The following RDX variants were observed in gnomAD, a reference collection of about 807,000 sequenced individuals.
RDX encodes deafness, autosomal recessive 24.
Under a neutral mutation model 83.7 loss-of-function variants are expected in RDX, and 32 were observed. That is an observed-to-expected ratio of 0.38 (90% CI 0.29 to 0.51). The LOEUF is 0.51. Among genes scored for constraint, RDX ranks in the 20% least tolerant of loss-of-function variants. RDX has a pLI of 0.87. For missense variants in RDX, 600 were observed against 689.9 expected, an observed-to-expected ratio of 0.87 and a Z score of 1.46; for synonymous variants, 229 against 222.7, an observed-to-expected ratio of 1.03 and a Z score of -0.25.
chr11:110,261,328 G>A (rs1310030477), intron 5 of RDX, among the ~76,000 whole-genome samples: 2 of 152,170 alleles, frequency 1.3e-5, no homozygotes, highest in African/African-American at 4.8e-5. Context: ...AAAAGTTTAT[G>A]TATATTTAGC....
intron 14 of RDX, among the ~76,000 whole-genome samples, chr11:110,212,311 A>AG (rs1863867203): frequency 6.7e-6 from 1 of 150,090 alleles, no homozygotes; most frequent in Non-Finnish European, 1.5e-5. Context: ...TGAATAGACC[A>AG]ATAACAGGAG....
chr11:110,257,170 T>C (rs1859579280), intron 7 of RDX, among the ~76,000 whole-genome samples: 1 of 151,238 alleles, frequency 6.6e-6, no homozygotes, highest in South Asian at 2.1e-4. Flanking sequence ...AATATACATA[T>C]ATTATACATA....
Position 110,257,839 on chromosome 11 carries a change from T to C in RDX, c.626A>G (p.Lys209Arg), listed in dbSNP as rs1033344762. 4 of 1,612,972 alleles carry C rather than the reference T, an allele frequency of 2.5e-6. No homozygotes were observed. Among genetic ancestry groups the C allele is most frequent in the South Asian group, 1.1e-5 (1 of 91,056 alleles). The change falls in exon 7 of 14, where the codon AAA becomes AGA. Residue 209 changes from lysine (K) to arginine (R), a missense_variant. By Grantham distance (26) the Lys-to-Arg change is conservative (BLOSUM62 2). Transcript: ENST00000645495. The stretch of plus-strand genomic sequence containing the variant: ...CCACAATTCAGTTCCTTTTTTATTT[T>C]TTATTTCAAAATAGTTGACTCCATA... ...EMYGVNYFEI[K>R]NKKGTELWLG...
At chr11:110,199,689 A>C in intron 14 of RDX, 1 of 703,056 alleles carries the variant, frequency 1.4e-6, no homozygotes, top group Non-Finnish European at 2.6e-6. Context: ...CTTTCAAAAG[A>C]GACATTAAGA....
At chr11:110,268,364 T>TCTTCC (rs1292935296) in intron 3 of RDX, among the ~76,000 whole-genome samples, 4 of 148,706 alleles carry the variant, frequency 2.7e-5, no homozygotes, top group Admixed American at 1.3e-4. Context: ...ATGTGGAATA[T>TCTTCC]AAAGTCTCAT....
At chr11:110,197,499 ATCTCTT>A (rs1349182092) in intron 15 of RDX, among the ~76,000 whole-genome samples, 2 of 152,160 alleles carry the variant, frequency 1.3e-5, no homozygotes, top group Non-Finnish European at 2.9e-5. Context: ...ATAATTCAAA[ATCTCTT>A]TCTGTCATTT....
chr11:110,269,355 C>A (rs925783410), intron 3 of RDX, among the ~76,000 whole-genome samples: 2 of 152,110 alleles, frequency 1.3e-5, no homozygotes, highest in Non-Finnish European at 2.9e-5. Context: ...ACTCTTTACA[C>A]TAATCCCACA....
At chr11:110,225,496 T>C (rs1229736806), downstream of RDX, among the ~76,000 whole-genome samples, 1 of 152,022 alleles carries the variant, frequency 6.6e-6, no homozygotes, top group African/African-American at 2.4e-5. Context: ...AATAAACACA[T>C]GAAAAAAGTC....
At chr11:110,247,179 A>C (rs1374337678) in intron 10 of RDX, among the ~76,000 whole-genome samples, 1 of 152,206 alleles carries the variant, frequency 6.6e-6, no homozygotes, top group African/African-American at 2.4e-5. Context: ...TCTTCCAAAC[A>C]CATTACCAAA....
chr11:110,295,855 G>T (rs1861433293), intron 1 of RDX, among the ~76,000 whole-genome samples: 1 of 152,238 alleles, frequency 6.6e-6, no homozygotes, highest in Non-Finnish European at 1.5e-5. Context: ...GGGAACCGCG[G>T]CCCTGGCCTG....
chr11:110,227,453 T>C (rs1864471350), downstream of RDX, among the ~76,000 whole-genome samples: 1 of 151,990 alleles, frequency 6.6e-6, no homozygotes, highest in Non-Finnish European at 1.5e-5. Flanking sequence ...AAAATAATGA[T>C]TAAATAAAAG....
intron 15 of RDX, among the ~76,000 whole-genome samples, chr11:110,177,257 G>A (rs1240751004): frequency 6.6e-6 from 1 of 152,240 alleles, no homozygotes; most frequent in Non-Finnish European, 1.5e-5. Context: ...GCGAACTCCT[G>A]TGGGAAGTGG....
At chr11:110,207,705 T>A (rs1400284555) in intron 14 of RDX, among the ~76,000 whole-genome samples, 1 of 152,128 alleles carries the variant, frequency 6.6e-6, no homozygotes, top group African/African-American at 2.4e-5. Context: ...TAAATAAAAT[T>A]TTATGGGAAC....
rs1490804867 is a variant in RDX, at chr11:110,262,648, A to G, written c.467+1312T>C. ...ATGTTCCATCTTCTAGATTCCATCA[A>G]TACTACTAAATAACACGTTTCACAC... On this transcript the variant is annotated intron_variant, in intron 5 of 13. Transcript: ENST00000645495. 3.3e-5 allele frequency among the ~76,000 whole-genome samples: 5 copies of G among 152,310 alleles called. No homozygotes were observed. In the East Asian group the frequency reaches 7.7e-4, roughly 23 times the overall value.
chr11:110,253,997 T>G lies in RDX; in HGVS notation c.908A>C (p.Gln303Pro), dbSNP rs769318918. Residue 303 changes from glutamine to proline, a missense_variant, in exon 9 of 14, where the codon CAA becomes CCA. Gln to Pro is a moderately conservative substitution (Grantham distance 76, BLOSUM62 -1). Transcript: ENST00000645495. ...RRRKPDTIEV[Q>P]QMKAQAREEK... ...CTCCCTAGCCTGAGCCTTCATCTGT[T>G]GTACTTCAATAGTATCAGGCTTCCT... 1.2e-6 allele frequency: 2 copies of G among 1,613,830 alleles called. No individual in the cohort carries two copies. The highest frequency in any genetic ancestry group is 1.7e-5 in the Admixed American group (1 of 59,972).
At chr11:110,242,660 T>C (rs948864522) in intron 10 of RDX, among the ~76,000 whole-genome samples, 1 of 152,190 alleles carries the variant, frequency 6.6e-6, no homozygotes, top group African/African-American at 2.4e-5. Flanking sequence ...TTTTGTGATA[T>C]ATTAAGAATT....
At chr11:110,180,679 C>T (rs528226381) in intron 15 of RDX, among the ~76,000 whole-genome samples, 2 of 148,052 alleles carry the variant, frequency 1.4e-5, no homozygotes, top group Non-Finnish European at 3.0e-5. Context: ...TTGAGACAGT[C>T]TCGCTCTGTC....
At chr11:110,293,514 C>G (rs988721101) in intron 1 of RDX, among the ~76,000 whole-genome samples, 17 of 152,250 alleles carry the variant, frequency 1.1e-4, no homozygotes, top group Middle Eastern at 3.4e-3. Flanking sequence ...TTGGACACCT[C>G]TATCATCAAA....
intron 9 of RDX, among the ~76,000 whole-genome samples, chr11:110,253,413 AT>A (rs1488635264): frequency 1.3e-5 from 2 of 152,190 alleles, no homozygotes; most frequent in Non-Finnish European, 2.9e-5. Flanking sequence ...CAGGGTTGAT[AT>A]AAATTTTATT....
Sources: allele counts gnomAD v4.1 joint callset (sites outside exome capture counted in the v4.1 genomes callset), GRCh38; gene constraint gnomAD v4.1.1; transcripts MANE v1.5; gene names NCBI Gene and HGNC (gene_info 2026-07-23, HGNC 2026-07-21).